The following ANGPT2 variants were observed in gnomAD, a reference collection of about 807,000 sequenced individuals.
ANGPT2 encodes the protein angiopoietin-2.
A neutral mutation model predicts 62.9 loss-of-function variants in ANGPT2; 28 were observed. The ratio of observed to expected loss-of-function variants is 0.44; its 90% CI spans 0.33 to 0.61. The LOEUF (loss-of-function observed/expected upper bound fraction) is 0.61, where lower values mean the gene tolerates loss of function less well. ANGPT2 is among the 20% of genes least tolerant of loss of function. The pLI is 0.03. For synonymous variants in ANGPT2, 284 were observed against 207.8 expected (o/e 1.37, Z -3.15); for missense variants, 727 against 594.9 (o/e 1.22, Z -2.31).
intron 1 of ANGPT2, among the ~76,000 whole-genome samples, chr8:6,561,960 G>T (rs1221423435): frequency 6.6e-6 from 1 of 152,122 alleles, no homozygotes; most frequent in Non-Finnish European, 1.5e-5. Flanking sequence ...CCCACGTGGG[G>T]ACGCATTCCG....
intron 3 of ANGPT2, among the ~76,000 whole-genome samples, chr8:6,526,988 A>G (rs1818458338): frequency 1.3e-5 from 2 of 152,218 alleles, no homozygotes; most frequent in African/African-American, 2.4e-5. Context: ...TGAAGAGGAA[A>G]CATTGGATCA....
At chr8:6,518,142 A>G (rs1816640075) in intron 5 of ANGPT2, among the ~76,000 whole-genome samples, 1 of 152,134 alleles carries the variant, frequency 6.6e-6, no homozygotes, top group African/African-American at 2.4e-5. Flanking sequence ...AGAAACATAG[A>G]TGAAACAATG....
chr8:6,503,395 T>C, intron 8 of ANGPT2, 134 bp from the exon 9 acceptor site: 1 of 832,206 alleles, frequency 1.2e-6, no homozygotes, highest in Non-Finnish European at 1.9e-6. Flanking sequence ...ATGGTGAGTA[T>C]AGGATGTGCA....
chr8:6,549,530 A>G (rs1471040609), intron 1 of ANGPT2, among the ~76,000 whole-genome samples: 1 of 151,934 alleles, frequency 6.6e-6, no homozygotes, highest in African/African-American at 2.4e-5. Flanking sequence ...GTCATTACAC[A>G]GGTGCGCACA....
chr8:6,511,828 C>T (rs1815171853), intron 7 of ANGPT2, among the ~76,000 whole-genome samples: 2 of 151,694 alleles, frequency 1.3e-5, no homozygotes, highest in South Asian at 2.1e-4. Flanking sequence ...ATAATGTCAG[C>T]GTACAAGGGT....
At chr8:6,504,088 G>A (rs1449797338) in intron 8 of ANGPT2, among the ~76,000 whole-genome samples, 1 of 152,188 alleles carries the variant, frequency 6.6e-6, no homozygotes, top group African/African-American at 2.4e-5. Context: ...GGAGGCCGAG[G>A]TGGGTGGATC....
At chr8:6,532,295 T>A in intron 2 of ANGPT2, 37 bp downstream of exon 2, 5 of 1,613,526 alleles carry the variant, frequency 3.1e-6, no homozygotes, top group Non-Finnish European at 3.4e-6. Flanking sequence ...AGTCTCTAGC[T>A]GCAGGGACAC....
rs74552201 is a variant in ANGPT2, at chr8:6,553,793, C to G, written c.288+8854G>C. Among the ~76,000 whole-genome samples, 861 of 152,018 alleles carry G rather than the reference C, an allele frequency of 5.7e-3. 14 individuals are homozygous for G. The highest frequency in any genetic ancestry group is 0.053 in the East Asian group (272 of 5,160). On this transcript the variant is annotated intron_variant, in intron 1 of 8. Coordinates refer to ENST00000629816, the MANE Select transcript of ANGPT2 (RefSeq NM_001118887.2). Reference sequence around the variant, plus strand: ...TTTTGGGACTTCTTGAGCAGAAAAGCGAATGTCAGACGGTCCTTATAAAGT... The same window carrying G: ...TTTTGGGACTTCTTGAGCAGAAAAGGGAATGTCAGACGGTCCTTATAAAGT...
intron 1 of ANGPT2, among the ~76,000 whole-genome samples, chr8:6,536,953 T>A (rs1329585850): frequency 4.4e-5 from 6 of 136,220 alleles, no homozygotes; most frequent in African/African-American, 5.6e-5. Flanking sequence ...ATTCTAAGTA[T>A]AAGGAAGTCT....
chr8:6,534,738 C>G (rs895961136), intron 1 of ANGPT2, among the ~76,000 whole-genome samples: 1 of 152,238 alleles, frequency 6.6e-6, no homozygotes, highest in African/African-American at 2.4e-5. Context: ...AGTCTGAAAT[C>G]TTACTAACCG....
At chr8:6,550,607 G>A (rs981506210) in intron 1 of ANGPT2, among the ~76,000 whole-genome samples, 2 of 152,230 alleles carry the variant, frequency 1.3e-5, no homozygotes, top group African/African-American at 2.4e-5. Flanking sequence ...GTAGGGTGGC[G>A]GGCGTTGGTG....
At chr8:6,559,590 C>T (rs975699609) in intron 1 of ANGPT2, among the ~76,000 whole-genome samples, 1 of 152,088 alleles carries the variant, frequency 6.6e-6, no homozygotes, top group Non-Finnish European at 1.5e-5. Flanking sequence ...TCTGTTTTAA[C>T]GTGTTCATAG....
At position 6,501,216 on chromosome 8, in the gene ANGPT2, A is replaced by G. The variant is rs1812112017; in HGVS notation, c.*1885T>C. On this transcript the variant is annotated 3_prime_UTR_variant, in exon 9 of 9. Coordinates refer to ENST00000629816, the MANE Select transcript of ANGPT2 (RefSeq NM_001118887.2). Reference sequence around the variant, plus strand: ...AGTCCATCATTGACTCCAAATATGTAGCAACACCTGTGTGTTCTAAAACTA... The same window carrying G: ...AGTCCATCATTGACTCCAAATATGTGGCAACACCTGTGTGTTCTAAAACTA... 1 of 152,238 alleles carries G rather than the reference A, an allele frequency of 6.6e-6. No individual in the cohort carries two copies. The highest frequency in any genetic ancestry group is 6.5e-5 in the Admixed American group (1 of 15,294). The allele number at this position is 152,238 out of a possible 1,614,324, so 9.4% of individuals were successfully genotyped here. A position where few individuals can be genotyped will look rare whatever the true frequency, so the allele number is the denominator to read the frequency against.
chr8:6,517,469 C>G (rs561555704), intron 5 of ANGPT2, among the ~76,000 whole-genome samples: 2 of 152,176 alleles, frequency 1.3e-5, no homozygotes, highest in Non-Finnish European at 2.9e-5. Context: ...GTAGAAGAAC[C>G]AAATGAATTT....
intron 7 of ANGPT2, among the ~76,000 whole-genome samples, chr8:6,513,171 G>A (rs1815521238): frequency 2.0e-5 from 3 of 152,108 alleles, no homozygotes; most frequent in African/African-American, 4.8e-5. Flanking sequence ...ACAAAATACT[G>A]TTTGTATGAA....
chr8:6,542,811 C>G (rs552768638), intron 1 of ANGPT2, among the ~76,000 whole-genome samples: 1 of 151,918 alleles, frequency 6.6e-6, no homozygotes, highest in African/African-American at 2.4e-5. Context: ...TTTTCTTTTT[C>G]CAATAAACTG....
chr8:6,549,338 G>C (rs529497706), intron 1 of ANGPT2, among the ~76,000 whole-genome samples: 32 of 152,276 alleles, frequency 2.1e-4, no homozygotes, highest in Middle Eastern at 3.4e-3. Flanking sequence ...TAATAAAAGA[G>C]ACCAAAAAGG....
intron 7 of ANGPT2, among the ~76,000 whole-genome samples, chr8:6,510,865 C>T (rs1278488171): frequency 6.6e-6 from 1 of 152,184 alleles, no homozygotes; most frequent in African/African-American, 2.4e-5. Context: ...ATGAACTGGA[C>T]ATGTGAGTCT....
intron 1 of ANGPT2, among the ~76,000 whole-genome samples, chr8:6,560,839 G>A (rs943744002): frequency 2.6e-5 from 4 of 152,212 alleles, no homozygotes; most frequent in African/African-American, 7.2e-5. Context: ...TGGAGTTTCA[G>A]GTATACCTAA....
Sources: gnomAD v4.1 joint callset for allele counts (sites outside exome capture counted in the v4.1 genomes callset) on GRCh38, gnomAD v4.1.1 for gene constraint, MANE v1.5 for transcripts, NCBI Gene and HGNC (gene_info 2026-07-23, HGNC 2026-07-21) for gene names.